The following ATRN variants were observed in gnomAD, a reference collection of about 807,000 sequenced individuals.
The protein encoded by ATRN is attractin, also known as attractin-2.
Under a neutral mutation model 178.7 loss-of-function variants are expected in ATRN, and 54 were observed. The ratio of observed to expected loss-of-function variants is 0.30; its 90% confidence interval spans 0.24 to 0.38. The LOEUF is 0.38. ATRN is among the 10% of genes least tolerant of loss of function. The pLI is 1.00. For synonymous variants in ATRN, 636 were observed against 663.0 expected (o/e 0.96, Z 0.63); for missense variants, 1,443 against 1,815.1 (o/e 0.79, Z 3.73).
rs912639174 is a variant in ATRN at position 3,632,839 on chromosome 20, A to G, written c.3864-1472A>G. ...GCCTAGAACAGGACCTGACCCAATT[A>G]AAGTATTGATTAAAAAGACAATGTA... On this transcript the variant is annotated intron_variant, in intron 25 of 28. Coordinates refer to ENST00000262919, the MANE Select transcript of ATRN (RefSeq NM_139321.3). The surrounding 1 kb of genome is among the most constrained non-coding windows in gnomAD (Gnocchi z 4.2). Among the ~76,000 whole-genome samples, 1 of 152,228 alleles carries G rather than the reference A, an allele frequency of 6.6e-6. No homozygotes were observed. Among genetic ancestry groups the G allele is most frequent in the Non-Finnish European group, 1.5e-5 (1 of 68,030 alleles).
In ATRN at chr20:3,645,303, C is replaced by T. The variant is rs893591272; in HGVS notation, c.4165+1035C>T. ...AGCCCAGCTTTAGAATGGTTAGGATCTATAGTATCTTCACGAGGGAGGCCT... is the reference window on the plus strand; with the variant it reads ...AGCCCAGCTTTAGAATGGTTAGGATTTATAGTATCTTCACGAGGGAGGCCT... On this transcript the variant is annotated intron_variant, in intron 28 of 28. Transcript: ENST00000262919. The surrounding 1 kb of genome is among the most constrained non-coding windows in gnomAD (Gnocchi z 4.7). Among the ~76,000 whole-genome samples the T allele has an allele frequency of 1.1e-4, 16 of 152,344 alleles. No individual in the cohort carries two copies. Among genetic ancestry groups the T allele is most frequent in the African/African-American group, 3.8e-4 (16 of 41,574 alleles).
At chr20:3,472,798 T>C (rs1031487595) in intron 1 of ATRN, among the ~76,000 whole-genome samples, 1 of 151,942 alleles carries the variant, frequency 6.6e-6, no homozygotes, top group African/African-American at 2.4e-5. Context: ...TTAAGTAGGA[T>C]TTGGAAATGT....
intron 1 of ATRN, among the ~76,000 whole-genome samples, chr20:3,478,155 C>T (rs1447064062): frequency 6.6e-6 from 1 of 152,162 alleles, no homozygotes; most frequent in Non-Finnish European, 1.5e-5. Flanking sequence ...TGCTGACCTG[C>T]TTCTGTTGCA....
intron 6 of ATRN, among the ~76,000 whole-genome samples, chr20:3,551,842 CT>C (rs2085792117): frequency 6.6e-6 from 1 of 152,148 alleles, no homozygotes; most frequent in South Asian, 2.1e-4. Flanking sequence ...ATCTGTGCCC[CT>C]TTATGGTCAT....
intron 1 of ATRN, among the ~76,000 whole-genome samples, chr20:3,472,204 G>A (rs2084440081): frequency 6.6e-6 from 1 of 152,168 alleles, no homozygotes; most frequent in Non-Finnish European, 1.5e-5. Flanking sequence ...CTTAGTTTGG[G>A]GCAGTTCCTC....
chr20:3,471,921 C>T (rs1027233857), intron 1 of ATRN, among the ~76,000 whole-genome samples: 3 of 152,166 alleles, frequency 2.0e-5, no homozygotes, highest in Non-Finnish European at 4.4e-5. Flanking sequence ...CCCTAGGACC[C>T]GATGAGTTCC....
At chr20:3,601,441 A>G (rs2086606500) in intron 23 of ATRN, among the ~76,000 whole-genome samples, 1 of 152,346 alleles carries the variant, frequency 6.6e-6, no homozygotes, top group East Asian at 1.9e-4. Flanking sequence ...AACATTTTAA[A>G]TAAAATGAGA....
At chr20:3,618,432 G>A (rs1347250392) in intron 24 of ATRN, among the ~76,000 whole-genome samples, 1 of 152,204 alleles carries the variant, frequency 6.6e-6, no homozygotes, top group Non-Finnish European at 1.5e-5. Flanking sequence ...AGGAAGAGCA[G>A]GGAACATTGC....
At chr20:3,633,089 C>T (rs528526383) in intron 25 of ATRN, among the ~76,000 whole-genome samples, 3 of 152,218 alleles carry the variant, frequency 2.0e-5, no homozygotes, top group East Asian at 3.9e-4. Flanking sequence ...GAGCTGAGAT[C>T]GTGCCACTGC....
chr20:3,626,804 A>T (rs2086944536), intron 25 of ATRN, among the ~76,000 whole-genome samples: 3 of 130,352 alleles, frequency 2.3e-5, no homozygotes, highest in African/African-American at 6.3e-5. Context: ...TTTTTTTGAA[A>T]CTTAGTCTCT....
intron 1 of ATRN, among the ~76,000 whole-genome samples, chr20:3,482,611 T>A (rs2084637518): frequency 6.6e-6 from 1 of 152,212 alleles, no homozygotes; most frequent in Non-Finnish European, 1.5e-5. Flanking sequence ...ATATCAAGGA[T>A]TTTGATCAGA....
rs2086216961 is a variant in ATRN, at chr20:3,576,729, C to CTATCTATCTATCT, written c.2215-125_2215-124insATCTATCTTATCT. 51 of 741,802 alleles carry CTATCTATCTATCT rather than the reference C, an allele frequency of 6.9e-5. No individual in the cohort carries two copies. The South Asian group carries it at 8.7e-4, about 13-fold the overall frequency. 46.0% of individuals were successfully genotyped at this position (741,802 alleles called of 1,614,324 possible). A position where few individuals can be genotyped will look rare whatever the true frequency, so the allele number is the denominator to read the frequency against. ...TCTATCTATCTATCTATCTATCTAT[C>CTATCTATCTATCT]TATCTGTCTATCTATTTATTTGCAG... is the stretch of plus-strand genomic sequence containing the variant. On this transcript the variant is annotated intron_variant, in intron 13 of 28. Coordinates refer to ENST00000262919, the MANE Select transcript of ATRN (RefSeq NM_139321.3).
chr20:3,549,406 A>G (rs1018347650), intron 6 of ATRN, 68 bp downstream of exon 6: 79 of 1,330,260 alleles, frequency 5.9e-5, no homozygotes, highest in Non-Finnish European at 7.4e-5. Context: ...AAGCACAGAT[A>G]AGCAAAAATA....
chr20:3,574,699 G>C (rs768227254), intron 12 of ATRN, among the ~76,000 whole-genome samples: 2 of 152,150 alleles, frequency 1.3e-5, no homozygotes, highest in Non-Finnish European at 2.9e-5. Context: ...CATGTTTATA[G>C]GAAATAGTGT....
intron 9 of ATRN, 50 bp downstream of exon 9, chr20:3,562,509 G>A (rs1424593637): frequency 6.4e-6 from 10 of 1,570,020 alleles, no homozygotes; most frequent in African/African-American, 1.4e-5. Flanking sequence ...TTCTGTAGAG[G>A]CAATTGTGGA....
At chr20:3,576,433 T>C (rs1311439469) in intron 13 of ATRN, among the ~76,000 whole-genome samples, 1 of 152,154 alleles carries the variant, frequency 6.6e-6, no homozygotes, top group Non-Finnish European at 1.5e-5. Flanking sequence ...GCTTTTATAG[T>C]TTTTGACAGC....
chr20:3,576,384 A>C (rs903613502), intron 13 of ATRN, among the ~76,000 whole-genome samples: 2 of 152,132 alleles, frequency 1.3e-5, no homozygotes, highest in Non-Finnish European at 2.9e-5. Flanking sequence ...ACTGCTCATC[A>C]TATATAGATT....
At chr20:3,517,166 AC>A (rs1208968789) in intron 1 of ATRN, among the ~76,000 whole-genome samples, 2 of 152,168 alleles carry the variant, frequency 1.3e-5, no homozygotes, top group Non-Finnish European at 1.5e-5. Context: ...TAATCTGTCT[AC>A]CTTTTAAGTT....
Position 3,594,589 on chromosome 20 carries a change from C to G in ATRN, c.3416+17C>G. On this transcript the variant is annotated intron_variant, in intron 20 of 28. Coordinates refer to ENST00000262919, the MANE Select transcript of ATRN (RefSeq NM_139321.3). The stretch of plus-strand genomic sequence containing the variant: ...GTGCCAGCTGTGAGTACCATACTCC[C>G]TGGACCACCAGGGAGGACCAAGAGG... 6.2e-7 allele frequency: 1 copy of G among 1,600,768 alleles called. No homozygotes were observed. Among genetic ancestry groups the G allele is most frequent in the South Asian group, 1.1e-5 (1 of 89,728 alleles).
Sources: allele counts gnomAD v4.1 joint callset (sites outside exome capture counted in the v4.1 genomes callset), GRCh38; gene constraint gnomAD v4.1.1; non-coding constraint Gnocchi (gnomAD v3.1); transcripts MANE v1.5; gene names NCBI Gene and HGNC (gene_info 2026-07-23, HGNC 2026-07-21).